The following TMEM178B variants were observed in gnomAD, a reference collection of about 807,000 sequenced individuals.
TMEM178B encodes the protein transmembrane protein 178B.
A neutral mutation model predicts 31.0 loss-of-function variants in TMEM178B; 5 were observed. The observed-to-expected ratio is 0.16, with a 90% CI of 0.08 to 0.34. The LOEUF is 0.34. Among genes scored for constraint, TMEM178B ranks in the 10% least tolerant of loss-of-function variants. TMEM178B has a pLI of 1.00. For synonymous variants in TMEM178B, 164 were observed against 164.0 expected (o/e 1.00, Z 0.00); for missense variants, 275 against 400.3 (o/e 0.69, Z 2.67).
At chr7:141,322,674 AC>A (rs1277956225) in intron 2 of TMEM178B, among the ~76,000 whole-genome samples, 1 of 152,190 alleles carries the variant, frequency 6.6e-6, no homozygotes, top group Non-Finnish European at 1.5e-5. Flanking sequence ...CGTGTCGAGA[AC>A]AAAGGCTTGG....
At chr7:141,320,490 AG>A (rs1171463451) in intron 2 of TMEM178B, among the ~76,000 whole-genome samples, 1 of 152,138 alleles carries the variant, frequency 6.6e-6, no homozygotes, top group East Asian at 1.9e-4. Flanking sequence ...GTGAGTTCAA[AG>A]GCTGTGTCTT....
chr7:141,203,642 G>A (rs1796915337), intron 1 of TMEM178B, among the ~76,000 whole-genome samples: 1 of 152,172 alleles, frequency 6.6e-6, no homozygotes. Context: ...CACTCACACT[G>A]GAAAGCACAT....
At chr7:141,243,952 A>C (rs1339485134) in intron 2 of TMEM178B, among the ~76,000 whole-genome samples, 1 of 152,188 alleles carries the variant, frequency 6.6e-6, no homozygotes, top group Admixed American at 6.5e-5. Context: ...GCCTGCCCTC[A>C]TGACGGTCCA....
chr7:141,470,523 C>T lies in TMEM178B; in HGVS notation c.635-13C>T, dbSNP rs1292385924. 1 of 1,501,472 alleles carries T rather than the reference C, an allele frequency of 6.7e-7. No homozygotes were observed. Among genetic ancestry groups the T allele is most frequent in the African/African-American group, 1.4e-5 (1 of 71,900 alleles). The allele number at this position is 1,501,472 out of a possible 1,614,324, so 93.0% of individuals were successfully genotyped here. ...CCATTTCCCCATCCTGTGTCTTTTC[C>T]CTTGTCCTCCAGGAACCTTCTGCAT... is the stretch of plus-strand genomic sequence containing the variant. On this transcript the variant is annotated splice_polypyrimidine_tract_variant and intron_variant, in intron 3 of 3. Coordinates refer to ENST00000565468, the MANE Select transcript of TMEM178B (RefSeq NM_001195278.2).
At chr7:141,184,161 C>T (rs1365974870) in intron 1 of TMEM178B, among the ~76,000 whole-genome samples, 1 of 152,206 alleles carries the variant, frequency 6.6e-6, no homozygotes, top group African/African-American at 2.4e-5. Context: ...AGGAAAATAT[C>T]AGGGCCTAGT....
rs907610716 is a variant in TMEM178B at position 141,470,974 on chromosome 7, C to G, written c.*188C>G. ...TGGGGAAAGTTTTTCCATCCTGTGG[C>G]TCTTCCATCAGTTCTTGACTTTTGG... is the stretch of plus-strand genomic sequence containing the variant. On this transcript the variant is annotated 3_prime_UTR_variant, in exon 4 of 4. Coordinates refer to ENST00000565468, the MANE Select transcript of TMEM178B (RefSeq NM_001195278.2). 3.7e-5 allele frequency: 7 copies of G among 190,580 alleles called. No homozygotes were observed. In the East Asian group the frequency reaches 6.1e-4, roughly 17 times the overall value. 11.8% of individuals were successfully genotyped at this position (190,580 alleles called of 1,614,324 possible). A position where few individuals can be genotyped will look rare whatever the true frequency, so the allele number is the denominator to read the frequency against.
chr7:141,097,755 C>T (rs567908948), intron 1 of TMEM178B, among the ~76,000 whole-genome samples: 5 of 151,474 alleles, frequency 3.3e-5, no homozygotes, highest in African/African-American at 1.2e-4. Context: ...TTCAACAAAT[C>T]GCCATTCGCT....
chr7:141,085,175 T>A (rs1175203273), intron 1 of TMEM178B, among the ~76,000 whole-genome samples: 1 of 141,516 alleles, frequency 7.1e-6, no homozygotes, highest in East Asian at 2.1e-4. Context: ...TTTTTTTTTT[T>A]TAGTAGAGAT....
At chr7:141,160,392 C>T (rs1329278541) in intron 1 of TMEM178B, among the ~76,000 whole-genome samples, 1 of 152,200 alleles carries the variant, frequency 6.6e-6, no homozygotes, top group Non-Finnish European at 1.5e-5. Flanking sequence ...CTTTTGCTGT[C>T]CCACTGGCCT....
intron 1 of TMEM178B, among the ~76,000 whole-genome samples, chr7:141,112,494 TC>T (rs1486748584): frequency 6.6e-6 from 1 of 152,200 alleles, no homozygotes; most frequent in Non-Finnish European, 1.5e-5. Flanking sequence ...ACTCAAGTGA[TC>T]CTCCTGCCTT....
chr7:141,184,103 A>G (rs1796572026), intron 1 of TMEM178B, among the ~76,000 whole-genome samples: 1 of 152,268 alleles, frequency 6.6e-6, no homozygotes, highest in South Asian at 2.1e-4. Context: ...AGAACAGCAC[A>G]GGCTATCAGC....
chr7:141,429,791 G>A (rs370025493), intron 2 of TMEM178B: 3 of 152,150 alleles, frequency 2.0e-5, no homozygotes, highest in African/African-American at 7.2e-5. Context: ...AAAACATCAT[G>A]TTGTACATGA....
At chr7:141,449,087 A>G (rs1007330340) in intron 3 of TMEM178B, among the ~76,000 whole-genome samples, 17 of 152,180 alleles carry the variant, frequency 1.1e-4, no homozygotes, top group African/African-American at 1.9e-4. Context: ...ATGGAAACTT[A>G]GGTCATTTCT....
At chr7:141,243,983 G>C (rs1797685702) in intron 2 of TMEM178B, among the ~76,000 whole-genome samples, 1 of 152,156 alleles carries the variant, frequency 6.6e-6, no homozygotes, top group Non-Finnish European at 1.5e-5. Context: ...CCTTCCACTA[G>C]AGCTGGTAGA....
intron 2 of TMEM178B, among the ~76,000 whole-genome samples, chr7:141,380,219 T>C (rs370480506): frequency 1.6e-4 from 25 of 152,342 alleles, no homozygotes; most frequent in East Asian, 9.7e-4. Context: ...ATTGTAGTTC[T>C]ATAGCTCTTA....
At chr7:141,087,460 A>G (rs982803879) in intron 1 of TMEM178B, among the ~76,000 whole-genome samples, 2 of 152,178 alleles carry the variant, frequency 1.3e-5, no homozygotes, top group Non-Finnish European at 2.9e-5. Flanking sequence ...GAGCCACTAA[A>G]GTCACTTTTT....
At chr7:141,128,446 C>T (rs1795540903) in intron 1 of TMEM178B, among the ~76,000 whole-genome samples, 1 of 152,092 alleles carries the variant, frequency 6.6e-6, no homozygotes, top group Middle Eastern at 3.2e-3. Context: ...CTTACGTGTC[C>T]TCATTTTTGC....
intron 3 of TMEM178B, among the ~76,000 whole-genome samples, chr7:141,453,595 T>A (rs1340465193): frequency 6.6e-6 from 1 of 152,190 alleles, no homozygotes; most frequent in Non-Finnish European, 1.5e-5. Context: ...CCATGACAAG[T>A]GCTATAACAG....
chr7:141,089,465 A>C (rs1436115166), intron 1 of TMEM178B, among the ~76,000 whole-genome samples: 4 of 152,196 alleles, frequency 2.6e-5, no homozygotes, highest in Non-Finnish European at 5.9e-5. Context: ...TTCCTCATGG[A>C]TCTAGAACTA....
Sources: gnomAD v4.1 joint callset for allele counts (sites outside exome capture counted in the v4.1 genomes callset) on GRCh38, gnomAD v4.1.1 for gene constraint, MANE v1.5 for transcripts, NCBI Gene and HGNC (gene_info 2026-07-23, HGNC 2026-07-21) for gene names.